Variants in CASTOR2 observed in about 807,000 individuals in gnomAD.
The protein encoded by CASTOR2 is cytosolic arginine sensor for mTORC1 subunit 2, also known as GATS protein like 2.
Under a neutral mutation model 31.2 loss-of-function variants are expected in CASTOR2, and 8 were observed. The ratio of observed to expected loss-of-function variants is 0.26; its 90% CI spans 0.15 to 0.46. The LOEUF (loss-of-function observed/expected upper bound fraction) is 0.46, where lower values mean the gene tolerates loss of function less well. Ranked by LOEUF, CASTOR2 falls within the 20% of genes least tolerant of loss-of-function variation. The pLI, the probability that CASTOR2 is intolerant of heterozygous loss-of-function variation, is 0.99. For missense variants in CASTOR2, 216 were observed against 382.1 expected, an observed-to-expected ratio of 0.57 and a Z score of 3.62; for synonymous variants, 162 against 158.7, an observed-to-expected ratio of 1.02 and a Z score of -0.16.
chr7:75,018,316 A>G (rs1274889690), intron 4 of CASTOR2, among the ~76,000 whole-genome samples, 194 bp downstream of exon 4: 3 of 152,118 alleles, frequency 2.0e-5, no homozygotes, highest in East Asian at 3.9e-4. Context: ...GAGGCAGGCA[A>G]TTCACCTGAG....
chr7:74,971,745 G>C (rs1803681624), intron 1 of CASTOR2, among the ~76,000 whole-genome samples: 1 of 83,198 alleles, frequency 1.2e-5, no homozygotes, highest in South Asian at 5.6e-4. Flanking sequence ...GTGGGCAATG[G>C]CCATGTGCAC....
chr7:74,987,552 CA>C (rs1366938526), intron 1 of CASTOR2, among the ~76,000 whole-genome samples: 11 of 152,230 alleles, frequency 7.2e-5, no homozygotes, highest in Non-Finnish European at 1.3e-4. Context: ...ACAGGTGGCC[CA>C]AGGGAGACCA....
chr7:74,994,118 G>A (rs1156290058), intron 1 of CASTOR2, among the ~76,000 whole-genome samples: 1 of 152,254 alleles, frequency 6.6e-6, no homozygotes, highest in Non-Finnish European at 1.5e-5. Context: ...CAGCCGCAGC[G>A]ATTGAAGATG....
chr7:75,008,463 CTG>C (rs1268921626), intron 2 of CASTOR2, among the ~76,000 whole-genome samples: 2 of 152,260 alleles, frequency 1.3e-5, no homozygotes, highest in African/African-American at 4.8e-5. Context: ...AGTCTCAACA[CTG>C]TGGGAGGATC....
chr7:74,978,094 G>A (rs1362541372), intron 1 of CASTOR2, among the ~76,000 whole-genome samples: 2 of 148,970 alleles, frequency 1.3e-5, no homozygotes, highest in African/African-American at 4.9e-5. Flanking sequence ...GGTTTTGCTT[G>A]CACACCCCAA....
intron 1 of CASTOR2, among the ~76,000 whole-genome samples, chr7:74,991,765 C>G (rs1337944460): frequency 4.6e-5 from 7 of 151,926 alleles, no homozygotes; most frequent in Non-Finnish European, 7.4e-5. Context: ...GAGGATATGG[C>G]ACACTAAGGA....
chr7:74,989,643 C>T (rs1247819643), intron 1 of CASTOR2, among the ~76,000 whole-genome samples: 19 of 151,422 alleles, frequency 1.3e-4, no homozygotes, highest in Admixed American at 5.3e-4. Flanking sequence ...CTTGAACTCC[C>T]GACTTCAAGC....
intron 1 of CASTOR2, among the ~76,000 whole-genome samples, chr7:74,999,638 A>T (rs1804446786): frequency 2.4e-4 from 6 of 24,558 alleles, no homozygotes; most frequent in Admixed American, 6.8e-4. Flanking sequence ...TTTTTTTTTG[A>T]GACGGAATCT....
chr7:74,997,885 G>A (rs1234309938), intron 1 of CASTOR2, among the ~76,000 whole-genome samples: 1 of 152,164 alleles, frequency 6.6e-6, no homozygotes, highest in East Asian at 1.9e-4. Flanking sequence ...GATGGTTCAT[G>A]TGTTGCCTGC....
At position 75,024,433 on chromosome 7, in the gene CASTOR2, G is replaced by A. The variant is rs1805075902; in HGVS notation, c.830-7G>A. 1.3e-6 allele frequency: 2 copies of A among 1,551,430 alleles called. No homozygotes were observed. Among genetic ancestry groups the A allele is most frequent in the Non-Finnish European group, 1.7e-6 (2 of 1,146,840 alleles). On this transcript the variant is annotated splice_polypyrimidine_tract_variant and splice_region_variant and intron_variant, in intron 7 of 8. Coordinates refer to ENST00000616305, the MANE Select transcript of CASTOR2 (RefSeq NM_001145064.3). The stretch of plus-strand genomic sequence containing the variant: ...ACAGAGGCTAAGGACGGTCTCTCCT[G>A]TTCTAGATGAGTGTGGCATCGTGGC...
chr7:74,999,386 T>A (rs1804437756), intron 1 of CASTOR2, among the ~76,000 whole-genome samples: 1 of 151,888 alleles, frequency 6.6e-6, no homozygotes, highest in South Asian at 2.1e-4. Flanking sequence ...AGGGCCTTTT[T>A]CTAAGTAAAA....
At chr7:74,999,219 C>G (rs1316578767) in intron 1 of CASTOR2, among the ~76,000 whole-genome samples, 6 of 152,040 alleles carry the variant, frequency 3.9e-5, no homozygotes, top group East Asian at 1.9e-4. Context: ...ACCGTGTTAG[C>G]CAGGATGGTC....
At chr7:74,988,293 T>TTATA (rs1554436947) in intron 1 of CASTOR2, among the ~76,000 whole-genome samples, 2 of 151,218 alleles carry the variant, frequency 1.3e-5, no homozygotes, top group Non-Finnish European at 3.0e-5. Context: ...CACACCCGAC[T>TTATA]TATTTATTTA....
rs1203972384 is a variant in CASTOR2, at chr7:75,009,575, C to T, written c.184+1511C>T. On this transcript the variant is annotated intron_variant, in intron 2 of 8. Coordinates refer to ENST00000616305, the MANE Select transcript of CASTOR2 (RefSeq NM_001145064.3). ...GAGCCACCGCGCCCGGCCCTGAGAA[C>T]CTATTTCTGAAAAAAAATTAAAATT... is the stretch of plus-strand genomic sequence containing the variant. 1.6e-4 allele frequency among the ~76,000 whole-genome samples: 24 copies of T among 151,972 alleles called. No homozygotes were observed. The South Asian group carries it at 5.0e-3, about 32-fold the overall frequency.
intron 6 of CASTOR2, among the ~76,000 whole-genome samples, chr7:75,020,688 A>G (rs1051360463): frequency 1.3e-5 from 2 of 151,728 alleles, no homozygotes; most frequent in Non-Finnish European, 2.9e-5. Context: ...ACCAGGTTTC[A>G]CCATGTTAGC....
At chr7:75,008,749 G>C (rs1459107077) in intron 2 of CASTOR2, among the ~76,000 whole-genome samples, 2 of 152,110 alleles carry the variant, frequency 1.3e-5, no homozygotes, top group African/African-American at 4.8e-5. Flanking sequence ...CACAGTTTAA[G>C]AGGACTTCCC....
rs1330030941 is a variant in CASTOR2, at chr7:75,020,141, G to A, written c.738G>A (p.Thr246=). The change falls in exon 6 of 9, where the codon ACG becomes ACA. Residue 246 remains threonine, a synonymous_variant. Coordinates refer to ENST00000616305, the MANE Select transcript of CASTOR2 (RefSeq NM_001145064.3). ...TCTCCCTGGTGATGGACGTGCAGAC[G>A]CAGCAGAGGTGAGCCAGGCCCTGGG... ...GYISLVMDVQ[T]QQRFPSNLLF... The A allele has an allele frequency of 3.5e-5, 55 of 1,551,386 alleles. No individual in the cohort carries two copies. Among genetic ancestry groups the A allele is most frequent in the South Asian group, 3.2e-4 (27 of 84,058 alleles).
rs1344994277 is a variant in CASTOR2 at position 75,028,330 on chromosome 7, A to G, written c.*3631A>G. Among the ~76,000 whole-genome samples the G allele has an allele frequency of 6.6e-6, 1 of 151,982 alleles. No homozygotes were observed. The highest frequency in any genetic ancestry group is 6.6e-5 in the Admixed American group (1 of 15,232). The stretch of plus-strand genomic sequence containing the variant: ...GAGACGGGGTTTCACCATGTTGGCC[A>G]CGCTGGTCTTGAACTCCTGACCTCA... On this transcript the variant is annotated 3_prime_UTR_variant, in exon 9 of 9. Coordinates refer to ENST00000616305, the MANE Select transcript of CASTOR2 (RefSeq NM_001145064.3).
chr7:75,006,285 A>C (rs1418578590), intron 1 of CASTOR2, among the ~76,000 whole-genome samples: 1 of 152,224 alleles, frequency 6.6e-6, no homozygotes, highest in Non-Finnish European at 1.5e-5. Context: ...CCCTGACTCT[A>C]AAAAGAAGAA....
Sources: allele counts gnomAD v4.1 joint callset (sites outside exome capture counted in the v4.1 genomes callset), GRCh38; gene constraint gnomAD v4.1.1; transcripts MANE v1.5; gene names NCBI Gene and HGNC (gene_info 2026-07-23, HGNC 2026-07-21).